PACRG: variants seen among roughly 807,000 people sequenced by gnomAD.
PACRG encodes the protein parkin coregulated.
PACRG carries 29 observed loss-of-function variants against 29.7 expected under a neutral mutation model. That is an observed-to-expected ratio of 0.98 (90% CI 0.73 to 1.33). The LOEUF is 1.33. PACRG is among the 40% of genes most tolerant of loss of function. PACRG has a pLI of 0.00. For missense variants in PACRG, 279 were observed against 316.2 expected (o/e 0.88, Z 0.89); for synonymous variants, 116 against 118.7 (o/e 0.98, Z 0.15).
At chr6:163,266,363 G>A (rs1037056376) in intron 4 of PACRG, among the ~76,000 whole-genome samples, 1 of 152,074 alleles carries the variant, frequency 6.6e-6, no homozygotes, top group Non-Finnish European at 1.5e-5. Flanking sequence ...AGAGGGGAGC[G>A]GTAATTTTGA....
chr6:163,101,184 C>T (rs1198200651), intron 4 of PACRG: 2 of 983,848 alleles, frequency 2.0e-6, no homozygotes, highest in East Asian at 2.3e-4. Flanking sequence ...TACATTTCAT[C>T]TTAAGTTCAT....
intron 4 of PACRG, among the ~76,000 whole-genome samples, chr6:163,146,111 A>G (rs183798384): frequency 2.7e-4 from 41 of 152,062 alleles, no homozygotes; most frequent in Non-Finnish European, 4.4e-5. Context: ...AAAAAGCCTT[A>G]TGTACCAGAT....
chr6:163,122,713 A>G (rs1373871363), intron 4 of PACRG, among the ~76,000 whole-genome samples: 5 of 151,992 alleles, frequency 3.3e-5, no homozygotes, highest in Non-Finnish European at 7.4e-5. Context: ...AAATTACCCA[A>G]CCCCAGGTAT....
At chr6:163,161,407 CGCAGAACATGCCATATTA>C (rs1291555818) in intron 4 of PACRG, among the ~76,000 whole-genome samples, 1 of 152,052 alleles carries the variant, frequency 6.6e-6, no homozygotes, top group Non-Finnish European at 1.5e-5. Flanking sequence ...TGTGATGCCT[CGCAGAACATGCCATATTA>C]GGGCATTTTG....
At chr6:163,000,829 G>A (rs1255338671) in intron 2 of PACRG, among the ~76,000 whole-genome samples, 1 of 152,186 alleles carries the variant, frequency 6.6e-6, no homozygotes, top group Non-Finnish European at 1.5e-5. Context: ...CTACCCTTGG[G>A]GAGTTTATGG....
At chr6:163,245,231 T>C in intron 4 of PACRG, 1 of 231,570 alleles carries the variant, frequency 4.3e-6, no homozygotes. Flanking sequence ...CTTTATCTTT[T>C]AAAGTCTACT....
intron 2 of PACRG, among the ~76,000 whole-genome samples, chr6:162,996,278 G>A (rs1382156361): frequency 1.3e-5 from 2 of 152,108 alleles, no homozygotes; most frequent in Admixed American, 1.3e-4. Context: ...TATATACAAT[G>A]TTTATGTGTC....
At chr6:162,914,516 T>G (rs903611067) in intron 2 of PACRG, among the ~76,000 whole-genome samples, 65 of 147,530 alleles carry the variant, frequency 4.4e-4, no homozygotes, top group South Asian at 8.5e-4. Context: ...TTGTTTTTTT[T>G]TTTTTTTTTT....
intron 4 of PACRG, among the ~76,000 whole-genome samples, chr6:163,202,907 C>G (rs1780764813): frequency 6.6e-6 from 1 of 152,092 alleles, no homozygotes; most frequent in African/African-American, 2.4e-5. Context: ...CTCTGGGTGC[C>G]TTTTCATCTC....
At chr6:162,804,260 A>T (rs569755362) in intron 1 of PACRG, among the ~76,000 whole-genome samples, 1 of 152,300 alleles carries the variant, frequency 6.6e-6, no homozygotes, top group African/African-American at 2.4e-5. Context: ...ACAATTTGTA[A>T]CTTTGTAGTC....
intron 2 of PACRG, among the ~76,000 whole-genome samples, chr6:163,019,200 A>G (rs1211279006): frequency 1.3e-5 from 2 of 152,152 alleles, no homozygotes; most frequent in Non-Finnish European, 2.9e-5. Flanking sequence ...TAAAATAATA[A>G]TTTTGTAAGG....
At chr6:163,174,305 T>C (rs1779238803) in intron 4 of PACRG, among the ~76,000 whole-genome samples, 1 of 152,214 alleles carries the variant, frequency 6.6e-6, no homozygotes, top group Admixed American at 6.5e-5. Context: ...TCCTGGGCTG[T>C]ATGCAGCCCA....
intron 4 of PACRG, among the ~76,000 whole-genome samples, chr6:163,103,799 C>T (rs888680325): frequency 3.9e-5 from 6 of 152,280 alleles, no homozygotes; most frequent in East Asian, 1.9e-4. Context: ...GTGAAGGTAG[C>T]GCAGCTCGAC....
intron 4 of PACRG, among the ~76,000 whole-genome samples, chr6:163,104,480 C>T (rs1028534816): frequency 6.6e-6 from 1 of 152,082 alleles, no homozygotes; most frequent in African/African-American, 2.4e-5. Flanking sequence ...ATTCTGGAGG[C>T]AGGGAAGTCC....
At chr6:162,959,849 C>G (rs888024870) in intron 2 of PACRG, among the ~76,000 whole-genome samples, 1 of 152,086 alleles carries the variant, frequency 6.6e-6, no homozygotes, top group Non-Finnish European at 1.5e-5. Context: ...TGTATATATG[C>G]ACTCAGTCAT....
At chr6:163,010,326 C>T (rs1238064883) in intron 2 of PACRG, among the ~76,000 whole-genome samples, 2 of 152,106 alleles carry the variant, frequency 1.3e-5, no homozygotes, top group Non-Finnish European at 2.9e-5. Flanking sequence ...TATCGCATTC[C>T]CTCAGAAGCA....
rs1781127611 is a variant in PACRG at position 162,747,393 on chromosome 6, T to TAA, written c.156+19003_156+19004insAA. Among the ~76,000 whole-genome samples, 7 of 36,994 alleles carry TAA rather than the reference T, an allele frequency of 1.9e-4. 1 individual carries two copies. In the South Asian group the frequency reaches 4.8e-3, roughly 26 times the overall value. The allele number at this position is 36,994 out of a possible 152,430, so 24.3% of individuals were successfully genotyped here. ...ATACATATATATGTATATATATGTA[T>TAA]ATATATATGTATATATATATATAAC... is the stretch of plus-strand genomic sequence containing the variant. On this transcript the variant is annotated intron_variant, in intron 1 of 4. Coordinates refer to ENST00000366888, the MANE Select transcript of PACRG (RefSeq NM_001080379.2).
chr6:162,821,078 A>G (rs1217741193), intron 2 of PACRG, among the ~76,000 whole-genome samples: 1 of 152,212 alleles, frequency 6.6e-6, no homozygotes, highest in Non-Finnish European at 1.5e-5. Flanking sequence ...CATGTATTAG[A>G]AATAACTTTT....
intron 4 of PACRG, among the ~76,000 whole-genome samples, chr6:163,173,215 A>G (rs978924399): frequency 6.6e-6 from 1 of 152,250 alleles, no homozygotes; most frequent in Non-Finnish European, 1.5e-5. Context: ...CATCTCTTCC[A>G]TAATAAACTG....
Sources: allele counts gnomAD v4.1 joint callset (sites outside exome capture counted in the v4.1 genomes callset), GRCh38; gene constraint gnomAD v4.1.1; transcripts MANE v1.5; gene names NCBI Gene and HGNC (gene_info 2026-07-23, HGNC 2026-07-21).